The following BRSK2 variants were observed in gnomAD, a reference collection of about 807,000 sequenced individuals.
BRSK2 encodes BR serine/threonine kinase 2.
Under a neutral mutation model 83.3 loss-of-function variants are expected in BRSK2, and 19 were observed. That is an observed-to-expected ratio of 0.23 (90% CI 0.16 to 0.33). The LOEUF (loss-of-function observed/expected upper bound fraction) is 0.33, where lower values mean the gene tolerates loss of function less well. BRSK2 is among the 10% of genes least tolerant of loss of function. BRSK2 has a pLI of 1.00. For missense variants in BRSK2, 798 were observed against 1,042.3 expected, an observed-to-expected ratio of 0.77 and a Z score of 3.23; for synonymous variants, 519 against 435.4, an observed-to-expected ratio of 1.19 and a Z score of -2.39.
chr11:1,445,051 G>A (rs760829120), intron 9 of BRSK2, 49 bp downstream of exon 9: 5 of 1,595,022 alleles, frequency 3.1e-6, no homozygotes, highest in Non-Finnish European at 2.6e-6. Context: ...TGTTGCTGTG[G>A]CCTGGAGGCC....
chr11:1,452,282 C>T (rs116892380), intron 15 of BRSK2, among the ~76,000 whole-genome samples: 3,962 of 152,334 alleles, frequency 0.026, 64 homozygotes, highest in Non-Finnish European at 0.034. Context: ...GGATTCCACC[C>T]AGTGGCCTTT....
chr11:1,404,317 C>T (rs1298287563), intron 1 of BRSK2, among the ~76,000 whole-genome samples: 1 of 152,220 alleles, frequency 6.6e-6, no homozygotes, highest in Non-Finnish European at 1.5e-5. Flanking sequence ...TGCCCCTTTT[C>T]CTGACCCTGC....
chr11:1,408,919 C>T (rs1361308455), intron 1 of BRSK2, among the ~76,000 whole-genome samples: 5 of 140,746 alleles, frequency 3.6e-5, no homozygotes, highest in Admixed American at 3.5e-4. Flanking sequence ...TCTGCCTGTG[C>T]AAGGGTGTGT....
intron 1 of BRSK2, among the ~76,000 whole-genome samples, chr11:1,408,801 TTGCC>T (rs1478963887): frequency 9.9e-5 from 13 of 131,818 alleles, no homozygotes; most frequent in Non-Finnish European, 1.9e-4. Context: ...GGGTGTGTGT[TTGCC>T]TGTGCTGGTG....
At position 1,449,766 on chromosome 11, in the gene BRSK2, T is replaced by C. The variant is rs758446001; in HGVS notation, c.1227-10T>C. 23 of 1,611,650 alleles carry C rather than the reference T, an allele frequency of 1.4e-5. No homozygotes were observed. Among genetic ancestry groups the C allele is most frequent in the Non-Finnish European group, 1.7e-5 (20 of 1,179,252 alleles). ...GGCTGAGCAGTGGCCCTGTACCTTG[T>C]GACCTCCAGGTCTCGGTCCATCAGC... On this transcript the variant is annotated splice_polypyrimidine_tract_variant and intron_variant, in intron 12 of 19. Coordinates refer to ENST00000528841, the MANE Select transcript of BRSK2 (RefSeq NM_001256627.2).
chr11:1,451,285 A>T, intron 14 of BRSK2, 86 bp from the exon 15 acceptor site: 1 of 1,497,418 alleles, frequency 6.7e-7, no homozygotes, highest in Non-Finnish European at 9.3e-7. Flanking sequence ...ACTCCTGATG[A>T]CCCTGACCTC....
chr11:1,395,509 G>T (rs1402736457), intron 1 of BRSK2, among the ~76,000 whole-genome samples: 1 of 152,178 alleles, frequency 6.6e-6, no homozygotes, highest in Non-Finnish European at 1.5e-5. Flanking sequence ...AGGGCCCTTG[G>T]CACAGAGGTT....
chr11:1,429,025 C>A (rs73409592), intron 1 of BRSK2, among the ~76,000 whole-genome samples: 1 of 141,672 alleles, frequency 7.1e-6, no homozygotes, highest in South Asian at 2.3e-4. Flanking sequence ...TGTGTGTACA[C>A]GGGTGTGTCC....
rs897841626 is a variant in BRSK2 at position 1,390,309 on chromosome 11, G to A, written c.25G>A (p.Gly9Ser). The change falls in exon 1 of 20, where the codon GGC becomes AGC. Residue 9 changes from glycine (G) to serine (S), a missense_variant. Gly to Ser is a moderately conservative substitution (Grantham distance 56, BLOSUM62 0). This residue lies in a region of BRSK2 where 33 missense variants were observed against 30.8 expected (regional missense o/e 1.07). Coordinates refer to ENST00000528841, the MANE Select transcript of BRSK2 (RefSeq NM_001256627.2). The surrounding 1 kb of genome is among the most constrained non-coding windows in gnomAD (Gnocchi z 6.8). Reference protein sequence around the residue: MTSTGKDGGAQHAQYVGPY... With the variant: MTSTGKDGSAQHAQYVGPY... Reference sequence around the variant, plus strand: ...GATGACATCGACGGGGAAGGACGGCGGCGCGCAGCACGCGCAGTATGTTGG... The same window carrying A: ...GATGACATCGACGGGGAAGGACGGCAGCGCGCAGCACGCGCAGTATGTTGG... The A allele has an allele frequency of 1.1e-5, 12 of 1,044,462 alleles. No homozygotes were observed. Among genetic ancestry groups the A allele is most frequent in the Non-Finnish European group, 1.3e-5 (11 of 858,734 alleles). 64.7% of individuals were successfully genotyped at this position (1,044,462 alleles called of 1,614,324 possible).
intron 12 of BRSK2, among the ~76,000 whole-genome samples, chr11:1,448,760 G>A (rs552495659): frequency 4.6e-5 from 7 of 152,330 alleles, no homozygotes; most frequent in African/African-American, 9.6e-5. Context: ...GGTCCCCGTC[G>A]CCTCCCTGCC....
intron 1 of BRSK2, among the ~76,000 whole-genome samples, chr11:1,429,223 CGT>C (rs1849652198): frequency 6.9e-6 from 1 of 144,182 alleles, no homozygotes; most frequent in Admixed American, 6.9e-5. Context: ...GGTGTGTGGG[CGT>C]GTGCCCATGG....
At chr11:1,411,288 C>T (rs1440917016) in intron 1 of BRSK2, 5 of 1,314,984 alleles carry the variant, frequency 3.8e-6, no homozygotes, top group Admixed American at 3.8e-5. Context: ...GCAGCCAGTG[C>T]CCCGCCATGG....
chr11:1,437,403 C>G (rs1850462059), intron 2 of BRSK2, among the ~76,000 whole-genome samples: 1 of 152,214 alleles, frequency 6.6e-6, no homozygotes, highest in Non-Finnish European at 1.5e-5. Flanking sequence ...GGCCCCACCA[C>G]TGACACGGCC....
rs1262564339 is a variant in BRSK2, at chr11:1,423,731, G to A, written c.92-12309G>A. Among the ~76,000 whole-genome samples the A allele has an allele frequency of 5.2e-4, 75 of 145,468 alleles. No individual in the cohort carries two copies. Among genetic ancestry groups the A allele is most frequent in the African/African-American group, 1.7e-3 (65 of 38,572 alleles). ...CCCGCTGGGCGTTCCGGGTGCCCCA[G>A]GCCTCCCCCGCTGGGCGTTCCGGGT... is the stretch of plus-strand genomic sequence containing the variant. On this transcript the variant is annotated intron_variant, in intron 1 of 19. Transcript: ENST00000528841. The surrounding 1 kb of genome is among the most constrained non-coding windows in gnomAD (Gnocchi z 6.5).
chr11:1,419,059 C>T (rs1390270684), intron 1 of BRSK2, among the ~76,000 whole-genome samples: 2 of 151,794 alleles, frequency 1.3e-5, no homozygotes, highest in East Asian at 1.9e-4. Context: ...GCGTGTCAGG[C>T]GTGAGTCTGG....
rs370671346 is a variant in BRSK2 at position 1,443,608 on chromosome 11, C to A, written c.753C>A (p.Ile251=). Residue 251 remains isoleucine (I), a synonymous_variant, in exon 8 of 20, where the codon ATC becomes ATA. Coordinates refer to ENST00000528841, the MANE Select transcript of BRSK2 (RefSeq NM_001256627.2). ...PDCQSLLRGM[I]EVDAARRLTL... ...GCCAGAGTCTGCTACGGGGCATGAT[C>A]GAGGTGGACGCCGCACGCCGCCTCA... is the stretch of plus-strand genomic sequence containing the variant. 1.2e-6 allele frequency: 2 copies of A among 1,605,604 alleles called. No individual in the cohort carries two copies. Among genetic ancestry groups the A allele is most frequent in the African/African-American group, 1.3e-5 (1 of 74,948 alleles).
intron 1 of BRSK2, among the ~76,000 whole-genome samples, chr11:1,405,249 C>T (rs1274862141): frequency 6.6e-6 from 1 of 152,110 alleles, no homozygotes; most frequent in East Asian, 1.9e-4. Flanking sequence ...TACGTCTCCC[C>T]ACTTGGGACA....
chr11:1,457,236 C>T (rs1192041995), intron 18 of BRSK2, among the ~76,000 whole-genome samples: 4 of 152,196 alleles, frequency 2.6e-5, no homozygotes, highest in African/African-American at 2.4e-5. Context: ...GTGACAAGGC[C>T]CTGCCCTCGG....
At chr11:1,459,311 G>T in intron 19 of BRSK2, 72 bp downstream of exon 19, 2 of 1,552,284 alleles carry the variant, frequency 1.3e-6, no homozygotes, top group Non-Finnish European at 1.8e-6. Flanking sequence ...CGCTGTGGCC[G>T]CCACCTGCCG....
Sources: allele counts gnomAD v4.1 joint callset (sites outside exome capture counted in the v4.1 genomes callset), GRCh38; gene constraint gnomAD v4.1.1; regional missense constraint gnomAD v4.1.1; non-coding constraint Gnocchi (gnomAD v3.1); transcripts MANE v1.5; gene names NCBI Gene and HGNC (gene_info 2026-07-23, HGNC 2026-07-21).